The following KLHL8 variants were observed in gnomAD, a reference collection of about 807,000 sequenced individuals.
KLHL8 encodes kelch-like protein 8.
KLHL8 carries 38 observed loss-of-function variants against 63.5 expected under a neutral mutation model. The observed-to-expected ratio is 0.60, with a 90% CI of 0.46 to 0.78. The LOEUF (loss-of-function observed/expected upper bound fraction) is 0.78, where lower values mean the gene tolerates loss of function less well. Ranked by LOEUF, KLHL8 falls within the 30% of genes least tolerant of loss-of-function variation. The pLI is 0.00. For missense variants in KLHL8, 566 were observed against 752.4 expected (o/e 0.75, Z 2.90); for synonymous variants, 224 against 254.3 (o/e 0.88, Z 1.13).
chr4:87,206,974 T>C (rs1001792146), intron 1 of KLHL8: 4 of 297,030 alleles, frequency 1.3e-5, no homozygotes. Context: ...ACACGATCTC[T>C]ATGGGTTGGG....
chr4:87,222,993 C>T (rs1247527516), upstream of KLHL8, among the ~76,000 whole-genome samples: 1 of 152,040 alleles, frequency 6.6e-6, no homozygotes, highest in Non-Finnish European at 1.5e-5. Flanking sequence ...CACTCTGTTG[C>T]CTAGGCTAGA....
intron 1 of KLHL8, among the ~76,000 whole-genome samples, chr4:87,211,718 A>T (rs1732414938): frequency 6.6e-6 from 1 of 152,188 alleles, no homozygotes; most frequent in Non-Finnish European, 1.5e-5. Flanking sequence ...ATGAGCCGAG[A>T]TCACTGAGTT....
At chr4:87,235,252 C>G (rs1159639701) in intron 1 of KLHL8, among the ~76,000 whole-genome samples, 1 of 152,138 alleles carries the variant, frequency 6.6e-6, no homozygotes. Context: ...AGGGTAAGTG[C>G]CCTATACAAG....
chr4:87,167,668 A>C, intron 8 of KLHL8: 1 of 397,784 alleles, frequency 2.5e-6, no homozygotes, highest in Non-Finnish European at 4.9e-6. Flanking sequence ...GATGTAGACA[A>C]TTTTCTAAGA....
At chr4:87,186,019 T>C (rs6531954) in intron 2 of KLHL8, among the ~76,000 whole-genome samples, 22,484 of 151,942 alleles carry the variant, frequency 0.15, 3,464 homozygotes, top group African/African-American at 0.39. Flanking sequence ...TATATATATA[T>C]ACACATACTT....
At chr4:87,163,783 A>G in intron 9 of KLHL8, 95 bp downstream of exon 9, 2 of 1,515,064 alleles carry the variant, frequency 1.3e-6, no homozygotes, top group South Asian at 2.4e-5. Flanking sequence ...CCCAAAGCTT[A>G]GTATTAACTA....
chr4:87,222,414 G>A (rs1360672864), upstream of KLHL8, among the ~76,000 whole-genome samples: 3 of 151,998 alleles, frequency 2.0e-5, no homozygotes, highest in Admixed American at 2.0e-4. Context: ...TCATTCTCCT[G>A]AAATCTCCCT....
chr4:87,232,664 CA>C (rs1451741778), intron 1 of KLHL8, among the ~76,000 whole-genome samples: 1 of 152,220 alleles, frequency 6.6e-6, no homozygotes, highest in Admixed American at 6.5e-5. Flanking sequence ...AGTGATCGTA[CA>C]TTCTGGCCAA....
At chr4:87,179,332 A>G (rs1013722639) in intron 4 of KLHL8, among the ~76,000 whole-genome samples, 3 of 152,102 alleles carry the variant, frequency 2.0e-5, no homozygotes, top group African/African-American at 7.2e-5. Context: ...CTACTGCAAA[A>G]TCCTGTCCTC....
At chr4:87,180,244 C>T (rs1424826935) in intron 4 of KLHL8, among the ~76,000 whole-genome samples, 1 of 152,308 alleles carries the variant, frequency 6.6e-6, no homozygotes, top group African/African-American at 2.4e-5. Flanking sequence ...CATCTGTTAC[C>T]AGAGTCTAAG....
chr4:87,199,402 CT>C (rs913863316), intron 1 of KLHL8, among the ~76,000 whole-genome samples: 2 of 152,024 alleles, frequency 1.3e-5, no homozygotes, highest in Non-Finnish European at 1.5e-5. Flanking sequence ...CATAAAGCTA[CT>C]GGAGGAAAAC....
intron 1 of KLHL8, among the ~76,000 whole-genome samples, chr4:87,234,520 G>A (rs946653533): frequency 1.7e-4 from 26 of 151,902 alleles, no homozygotes; most frequent in African/African-American, 5.8e-4. Context: ...CCTGCACAAC[G>A]CATTACTCAA....
chr4:87,167,089 TG>T, intron 8 of KLHL8: 2 of 390,164 alleles, frequency 5.1e-6, no homozygotes, highest in South Asian at 4.9e-5. Flanking sequence ...TGGGCTTTGG[TG>T]AGAGTTGGAA....
At chr4:87,210,295 C>T (rs1456251776) in intron 1 of KLHL8, among the ~76,000 whole-genome samples, 16 of 152,094 alleles carry the variant, frequency 1.1e-4, no homozygotes, top group Admixed American at 9.8e-4. Context: ...TCGGCTAACA[C>T]GGTGAAACCG....
At chr4:87,174,026 A>C (rs551587619) in intron 6 of KLHL8, among the ~76,000 whole-genome samples, 52 of 152,126 alleles carry the variant, frequency 3.4e-4, no homozygotes, top group Non-Finnish European at 6.6e-4. Flanking sequence ...ATTAATCAAA[A>C]ATAGAAAATT....
chr4:87,172,321 G>T (rs1281372960), intron 6 of KLHL8, among the ~76,000 whole-genome samples: 1 of 152,150 alleles, frequency 6.6e-6, no homozygotes, highest in African/African-American at 2.4e-5. Context: ...AAATGGCCCT[G>T]GAAGTGGCTT....
chr4:87,213,033 T>C (rs1380225837), intron 1 of KLHL8, among the ~76,000 whole-genome samples: 1 of 152,242 alleles, frequency 6.6e-6, no homozygotes, highest in East Asian at 1.9e-4. Flanking sequence ...ATGTCATTTC[T>C]AGGGTCTATA....
At position 87,178,503 on chromosome 4, in the gene KLHL8, C is replaced by T. The variant is rs1337020918; in HGVS notation, c.1070G>A (p.Arg357Gln). 1 of 1,610,518 alleles carries T rather than the reference C, an allele frequency of 6.2e-7. No individual in the cohort carries two copies. The change falls in exon 5 of 10, where the codon CGA (arginine) becomes CAA (glutamine). Residue 357 changes from arginine (R) to glutamine (Q), a missense_variant. Physicochemically the swap from Arg to Gln is conservative, Grantham distance 43 (BLOSUM62 1). Coordinates refer to ENST00000273963, the MANE Select transcript of KLHL8 (RefSeq NM_020803.5). The part of the protein sequence containing the change: ...FFGPEMNSRR[R>Q]HVGVISVEGK... ...TTCCACAGAGATTACACCCACATGT[C>T]GCCTTCGACTATTCATTTCTGGTCC...
At chr4:87,201,758 G>A (rs1731926579) in intron 1 of KLHL8, among the ~76,000 whole-genome samples, 1 of 152,104 alleles carries the variant, frequency 6.6e-6, no homozygotes, top group Non-Finnish European at 1.5e-5. Context: ...CAAATTAAAT[G>A]CACACATCTA....
Sources: gnomAD v4.1 joint callset for allele counts (sites outside exome capture counted in the v4.1 genomes callset) on GRCh38, gnomAD v4.1.1 for gene constraint, MANE v1.5 for transcripts, NCBI Gene and HGNC (gene_info 2026-07-23, HGNC 2026-07-21) for gene names.